TRDN: variants seen among roughly 807,000 people sequenced by gnomAD.
TRDN encodes triadin in skeletal muscle.
TRDN carries 161 observed loss-of-function variants against 149.7 expected under a neutral mutation model. The ratio of observed to expected loss-of-function variants is 1.08; its 90% CI spans 0.95 to 1.23. The LOEUF (loss-of-function observed/expected upper bound fraction) is 1.23. Among genes scored for constraint, TRDN ranks in the 50% most tolerant of loss-of-function variants. TRDN has a pLI of 0.00. For synonymous variants in TRDN, 294 were observed against 250.5 expected (o/e 1.17, Z -1.64); for missense variants, 896 against 823.5 (o/e 1.09, Z -1.08).
intron 22 of TRDN, among the ~76,000 whole-genome samples, chr6:123,332,615 T>A (rs1779703552): frequency 6.6e-6 from 1 of 152,042 alleles, no homozygotes; most frequent in East Asian, 1.9e-4. Flanking sequence ...TTCAACAGCC[T>A]AATAAAAAAT....
intron 19 of TRDN, among the ~76,000 whole-genome samples, chr6:123,366,710 G>A (rs1470570725): frequency 6.6e-6 from 1 of 152,022 alleles, no homozygotes; most frequent in African/African-American, 2.4e-5. Flanking sequence ...TAGAGACGGG[G>A]TTTCACCATG....
At chr6:123,334,542 A>G (rs766818445) in intron 22 of TRDN, among the ~76,000 whole-genome samples, 1 of 152,040 alleles carries the variant, frequency 6.6e-6, no homozygotes, top group Non-Finnish European at 1.5e-5. Context: ...AACCAATATC[A>G]TGGGTCACTA....
intron 26 of TRDN, among the ~76,000 whole-genome samples, chr6:123,276,731 C>T (rs942043437): frequency 2.0e-5 from 3 of 152,102 alleles, no homozygotes; most frequent in Non-Finnish European, 4.4e-5. Flanking sequence ...GGCTTAGACG[C>T]CCCATGAATT....
chr6:123,375,335 C>T (rs888546025), intron 19 of TRDN, among the ~76,000 whole-genome samples: 2 of 152,024 alleles, frequency 1.3e-5, no homozygotes, highest in African/African-American at 4.8e-5. Context: ...ACTTATTATA[C>T]TGCAAAATGA....
At chr6:123,543,783 G>C (rs1562377097) in intron 4 of TRDN, among the ~76,000 whole-genome samples, 2 of 151,908 alleles carry the variant, frequency 1.3e-5, no homozygotes, top group Admixed American at 6.6e-5. Context: ...AATATTTTTA[G>C]ATGTCATTAT....
At chr6:123,459,411 T>C (rs968422361) in intron 10 of TRDN, among the ~76,000 whole-genome samples, 1 of 152,032 alleles carries the variant, frequency 6.6e-6, no homozygotes, top group African/African-American at 2.4e-5. Context: ...TTTTACAGAG[T>C]GTTGGTTGGT....
intron 2 of TRDN, among the ~76,000 whole-genome samples, chr6:123,562,472 A>C (rs1782053690): frequency 6.6e-6 from 1 of 152,194 alleles, no homozygotes; most frequent in Non-Finnish European, 1.5e-5. Context: ...CCCTTCCATG[A>C]TGTGAGAACA....
In TRDN at chr6:123,284,472, T is replaced by G. The variant is rs1487879435; in HGVS notation, c.1511-5390A>C. Among the ~76,000 whole-genome samples, 3 of 152,072 alleles carry G rather than the reference T, an allele frequency of 2.0e-5. No homozygotes were observed. The East Asian group carries it at 5.8e-4, about 29-fold the overall frequency. ...TTTGATAAAATCCAGCATCACTTTATGATTAAAACCCTCAGCAAAATTGGC... is the reference window on the plus strand; with the variant it reads ...TTTGATAAAATCCAGCATCACTTTAGGATTAAAACCCTCAGCAAAATTGGC... On this transcript the variant is annotated intron_variant, in intron 24 of 40. Coordinates refer to ENST00000334268, the MANE Select transcript of TRDN (RefSeq NM_006073.4).
Position 123,464,908 on chromosome 6 carries a change from T to A in TRDN, c.929A>T (p.Glu310Val). 6.3e-7 allele frequency: 1 copy of A among 1,582,058 alleles called. No homozygotes were observed. Among genetic ancestry groups the A allele is most frequent in the Non-Finnish European group, 8.6e-7 (1 of 1,163,028 alleles). The change falls in exon 10 of 41, where the codon GAA becomes GTA. Residue 310 changes from glutamate (E) to valine (V), a missense_variant and splice_region_variant. Transcript: ENST00000334268. ...SRPTPASPAL[E>V]EKEGEKKKAE... The stretch of plus-strand genomic sequence containing the variant: ...TTAAGAAAAAAAAAAGTACTTGCCT[T>A]CAAGGGCAGGTGATGCCGGAGTGGG...
chr6:123,377,771 C>G, intron 17 of TRDN, 29 bp from the exon 18 acceptor site: 1 of 1,612,218 alleles, frequency 6.2e-7, no homozygotes. Flanking sequence ...AAAAAAAAAT[C>G]AGCATTCTAT....
intron 1 of TRDN, among the ~76,000 whole-genome samples, chr6:123,585,970 G>T (rs991761433): frequency 2.0e-5 from 3 of 152,080 alleles, no homozygotes; most frequent in African/African-American, 7.2e-5. Context: ...TTTATTTAAT[G>T]TCGGGAGCAG....
chr6:123,273,699 A>G (rs980946817), intron 27 of TRDN, among the ~76,000 whole-genome samples: 1 of 152,076 alleles, frequency 6.6e-6, no homozygotes, highest in South Asian at 2.1e-4. Context: ...ATCAGTTGCC[A>G]GGTAAGTTCT....
At chr6:123,373,324 A>T (rs910008004) in intron 19 of TRDN, among the ~76,000 whole-genome samples, 2 of 152,192 alleles carry the variant, frequency 1.3e-5, no homozygotes, top group Admixed American at 6.5e-5. Flanking sequence ...GCAACCATCC[A>T]TGTAAGATGT....
At chr6:123,229,382 G>T (rs1775510372) in intron 38 of TRDN, among the ~76,000 whole-genome samples, 1 of 151,928 alleles carries the variant, frequency 6.6e-6, no homozygotes, top group Non-Finnish European at 1.5e-5. Context: ...GTATTTTCTG[G>T]TTAACTGAAG....
chr6:123,291,870 TG>T (rs1778024251), intron 24 of TRDN, among the ~76,000 whole-genome samples: 1 of 152,224 alleles, frequency 6.6e-6, no homozygotes, highest in Admixed American at 6.5e-5. Context: ...TCAGCTTTTT[TG>T]TCAGCTCCTG....
chr6:123,437,853 T>A (rs1028092833), intron 12 of TRDN, among the ~76,000 whole-genome samples: 1 of 152,146 alleles, frequency 6.6e-6, no homozygotes, highest in African/African-American at 2.4e-5. Flanking sequence ...GAGTTCAGAC[T>A]CAATTCCAGT....
intron 8 of TRDN, among the ~76,000 whole-genome samples, chr6:123,499,719 A>AAAATATAT: frequency 4.2e-5 from 2 of 47,676 alleles, no homozygotes; most frequent in Non-Finnish European, 9.0e-5. Flanking sequence ...AAAAAAAAAA[A>AAAATATAT]ATATATATAT....
intron 38 of TRDN, among the ~76,000 whole-genome samples, chr6:123,246,062 A>C (rs541454788): frequency 2.0e-4 from 31 of 152,316 alleles, no homozygotes; most frequent in African/African-American, 7.5e-4. Flanking sequence ...ACAATGTACC[A>C]GAATCTCTGG....
chr6:123,472,945 C>T (rs928166743), intron 9 of TRDN, among the ~76,000 whole-genome samples: 1 of 152,190 alleles, frequency 6.6e-6, no homozygotes, highest in Non-Finnish European at 1.5e-5. Flanking sequence ...CCCATCTGTA[C>T]ATCACCATCA....
Sources: allele counts gnomAD v4.1 joint callset (sites outside exome capture counted in the v4.1 genomes callset), GRCh38; gene constraint gnomAD v4.1.1; transcripts MANE v1.5; gene names NCBI Gene and HGNC (gene_info 2026-07-23, HGNC 2026-07-21).